Variants in ZNF440 observed in about 807,000 individuals in gnomAD.
ZNF440 encodes the protein zinc finger protein 440.
Under a neutral mutation model 49.7 loss-of-function variants are expected in ZNF440, and 47 were observed. That is an observed-to-expected ratio of 0.95 (90% confidence interval 0.75 to 1.21). The LOEUF is 1.21. Among genes scored for constraint, ZNF440 ranks in the 50% most tolerant of loss-of-function variants. The probability of loss-of-function intolerance (pLI) is 0.00; values close to 1 mark genes in which losing one functional copy is unlikely to be tolerated. For synonymous variants in ZNF440, 255 were observed against 237.7 expected (o/e 1.07, Z -0.67); for missense variants, 703 against 715.0 (o/e 0.98, Z 0.19).
intron 3 of ZNF440, 40 bp from the exon 4 acceptor site, chr19:11,831,328 A>G: frequency 6.3e-7 from 1 of 1,578,964 alleles, no homozygotes; most frequent in Non-Finnish European, 8.6e-7. Context: ...AGAAGTACTT[A>G]TAAACAAACC....
Position 11,831,680 on chromosome 19 carries a change from A to C in ZNF440, c.504A>C (p.Gly168=). 1.9e-6 allele frequency: 3 copies of C among 1,614,176 alleles called. No individual in the cohort carries two copies. Among genetic ancestry groups the C allele is most frequent in the Non-Finnish European group, 2.5e-6 (3 of 1,180,018 alleles). The change falls in exon 4 of 4, where the codon GGA becomes GGC. Residue 168 remains glycine (G), a synonymous_variant. Coordinates refer to ENST00000304060, the MANE Select transcript of ZNF440 (RefSeq NM_152357.3). ...SFRTQERDHT[G]EKPNACKVCG... is the part of the protein sequence containing the mutation. The stretch of plus-strand genomic sequence containing the variant: ...GAACACAAGAAAGGGATCACACTGG[A>C]GAGAAACCCAATGCTTGTAAAGTAT...
At chr19:11,822,855 A>AAAAAAAAG (rs933639809) in intron 1 of ZNF440, among the ~76,000 whole-genome samples, 1 of 151,656 alleles carries the variant, frequency 6.6e-6, no homozygotes, top group African/African-American at 2.4e-5. Context: ...TAAAAAAAAA[A>AAAAAAAAG]AAAAAAGATG....
chr19:11,828,456 A>G (rs1235148107), intron 1 of ZNF440, among the ~76,000 whole-genome samples: 1 of 152,148 alleles, frequency 6.6e-6, no homozygotes, highest in East Asian at 1.9e-4. Context: ...AAGTGCTGGG[A>G]TTATAGGCAT....
chr19:11,829,951 T>C lies in ZNF440; in HGVS notation c.4-332T>C, dbSNP rs148233922. The C allele has an allele frequency of 3.7e-3, 951 of 256,596 alleles. 10 individuals carry two copies. The highest frequency in any genetic ancestry group is 0.021 in the African/African-American group (921 of 44,262). The allele number at this position is 256,596 out of a possible 1,614,324, so 15.9% of individuals were successfully genotyped here. ...CAGCCTGACCAACGTGGAGAGACTC[T>C]GTCTCTACTAAAAATACAACATTAG... On this transcript the variant is annotated intron_variant, in intron 1 of 3. Coordinates refer to ENST00000304060, the MANE Select transcript of ZNF440 (RefSeq NM_152357.3).
At chr19:11,821,627 C>T (rs537714660) in intron 1 of ZNF440, among the ~76,000 whole-genome samples, 15 of 152,196 alleles carry the variant, frequency 9.9e-5, no homozygotes, top group Non-Finnish European at 1.8e-4. Flanking sequence ...AGTCATTGAG[C>T]GCTTCGGTGA....
chr19:11,833,018 TC>T lies in ZNF440; in HGVS notation c.*55del. 1 of 1,599,682 alleles carries T rather than the reference TC, an allele frequency of 6.3e-7. No individual in the cohort carries two copies. The highest frequency in any genetic ancestry group is 2.2e-5 in the East Asian group (1 of 44,752). On this transcript the variant is annotated 3_prime_UTR_variant, in exon 4 of 4. Coordinates refer to ENST00000304060, the MANE Select transcript of ZNF440 (RefSeq NM_152357.3). Reference sequence around the variant, plus strand: ...TAAGATATGTGGGAGGGGCTTTTATTCTGCCAAGTCATTTCAAATACATGAA... The same window carrying T: ...TAAGATATGTGGGAGGGGCTTTTATTTGCCAAGTCATTTCAAATACATGAA...
intron 1 of ZNF440, among the ~76,000 whole-genome samples, chr19:11,825,688 A>G (rs887353117): frequency 6.6e-6 from 1 of 151,134 alleles, no homozygotes; most frequent in East Asian, 1.9e-4. Context: ...TTGTTTTGTG[A>G]GAGACAGGGT....
intron 1 of ZNF440, among the ~76,000 whole-genome samples, chr19:11,814,651 T>G (rs1417909445): frequency 6.6e-6 from 1 of 152,128 alleles, no homozygotes; most frequent in Non-Finnish European, 1.5e-5. Context: ...CGGCCCCGGC[T>G]CCGGAGCCTA....
intron 3 of ZNF440, 78 bp downstream of exon 3, chr19:11,830,755 A>G: frequency 6.7e-7 from 1 of 1,495,454 alleles, no homozygotes. Flanking sequence ...AATAAGTAAA[A>G]CAAAGAACTA....
At chr19:11,818,895 C>A (rs1046308809) in intron 1 of ZNF440, among the ~76,000 whole-genome samples, 1 of 152,098 alleles carries the variant, frequency 6.6e-6, no homozygotes, top group Non-Finnish European at 1.5e-5. Flanking sequence ...CTTTAAAGCT[C>A]GTTTTTATTT....
intron 1 of ZNF440, among the ~76,000 whole-genome samples, chr19:11,815,446 T>C (rs1391168161): frequency 6.6e-6 from 1 of 152,096 alleles, no homozygotes; most frequent in Non-Finnish European, 1.5e-5. Context: ...AACAGGTAGC[T>C]AGGAGACAAG....
rs1975950469 is a variant in ZNF440 at position 11,832,063 on chromosome 19, C to G, written c.887C>G (p.Pro296Arg). 2 of 1,613,890 alleles carry G rather than the reference C, an allele frequency of 1.2e-6. No homozygotes were observed. Among genetic ancestry groups the G allele is most frequent in the African/African-American group, 2.7e-5 (2 of 74,902 alleles). ...CKECGKAFTC[P>R]RYVRIHERTH... ...GAATGTGGAAAAGCATTCACGTGTC[C>G]CCGTTATGTTCGTATACATGAAAGG... Residue 296 changes from proline (P) to arginine (R), a missense_variant, in exon 4 of 4, where the codon CCC becomes CGC. Coordinates refer to ENST00000304060, the MANE Select transcript of ZNF440 (RefSeq NM_152357.3).
chr19:11,814,298 G>T lies in ZNF440; in HGVS notation c.-150G>T, dbSNP rs577651041. The T allele has an allele frequency of 1.6e-5, 13 of 799,360 alleles. No homozygotes were observed. The highest frequency in any genetic ancestry group is 7.3e-5 in the African/African-American group (4 of 55,124). 49.5% of individuals were successfully genotyped at this position (799,360 alleles called of 1,614,324 possible). On this transcript the variant is annotated 5_prime_UTR_variant, in exon 1 of 4. Transcript: ENST00000304060. Reference sequence around the variant, plus strand: ...GCCCTCCGTCCATTCCTTTAGTGCTGCGCCGACAGCGGTCAGGATCTCGGC... The same window carrying T: ...GCCCTCCGTCCATTCCTTTAGTGCTTCGCCGACAGCGGTCAGGATCTCGGC...
intron 1 of ZNF440, among the ~76,000 whole-genome samples, chr19:11,824,848 C>T (rs771972357): frequency 8.6e-5 from 13 of 151,924 alleles, no homozygotes; most frequent in Non-Finnish European, 1.6e-4. Flanking sequence ...GCTGGGAATA[C>T]AGGCGCACAC....
intron 1 of ZNF440, among the ~76,000 whole-genome samples, chr19:11,826,853 AG>A (rs1211033355): frequency 6.6e-6 from 1 of 151,778 alleles, no homozygotes; most frequent in Non-Finnish European, 1.5e-5. Context: ...TAGTAGAGAC[AG>A]AGTTTCACTG....
intron 1 of ZNF440, among the ~76,000 whole-genome samples, chr19:11,821,729 T>G (rs538767122): frequency 6.6e-6 from 1 of 152,360 alleles, no homozygotes; most frequent in African/African-American, 2.4e-5. Flanking sequence ...GCACGGCCCC[T>G]CTGTGGGCTT....
At chr19:11,817,242 G>C (rs1975742613) in intron 1 of ZNF440, 1 of 152,182 alleles carries the variant, frequency 6.6e-6, no homozygotes, top group Non-Finnish European at 1.5e-5. Flanking sequence ...AGAGTTCTTG[G>C]ATCTCATACA....
chr19:11,829,237 A>G (rs1274472648), intron 1 of ZNF440, among the ~76,000 whole-genome samples: 4 of 151,590 alleles, frequency 2.6e-5, no homozygotes, highest in East Asian at 1.9e-4. Flanking sequence ...ATCAGCATCT[A>G]TCTAGCTACA....
chr19:11,817,416 T>C (rs166971), intron 1 of ZNF440: 78,641 of 151,858 alleles, frequency 0.52, 23,043 homozygotes, highest in African/African-American at 0.82. Flanking sequence ...GGCAATATAG[T>C]GAAACCCCAT....
Sources: allele counts gnomAD v4.1 joint callset (sites outside exome capture counted in the v4.1 genomes callset), GRCh38; gene constraint gnomAD v4.1.1; transcripts MANE v1.5; gene names NCBI Gene and HGNC (gene_info 2026-07-23, HGNC 2026-07-21).